Variants in RHOF observed in about 807,000 individuals in gnomAD.
The protein encoded by RHOF is rho-related GTP-binding protein RhoF.
Under a neutral mutation model 22.2 loss-of-function variants are expected in RHOF, and 21 were observed. The observed-to-expected ratio is 0.95, with a 90% CI of 0.67 to 1.36. The LOEUF (loss-of-function observed/expected upper bound fraction) is 1.36. Among genes scored for constraint, RHOF ranks in the 40% most tolerant of loss-of-function variants. RHOF has a pLI of 0.00. For synonymous variants in RHOF, 135 were observed against 131.2 expected, an observed-to-expected ratio of 1.03 and a Z score of -0.20; for missense variants, 285 against 293.7, an observed-to-expected ratio of 0.97 and a Z score of 0.22.
intron 2 of RHOF, among the ~76,000 whole-genome samples, chr12:121,785,418 TTTA>T (rs1874581057): frequency 1.0e-5 from 1 of 98,090 alleles, no homozygotes; most frequent in Non-Finnish European, 2.1e-5. Context: ...TCTTTTTTTC[TTTA>T]CTTTTTTTTT....
intron 2 of RHOF, among the ~76,000 whole-genome samples, chr12:121,784,038 C>T: frequency 6.6e-6 from 1 of 152,176 alleles, no homozygotes; most frequent in East Asian, 1.9e-4. Flanking sequence ...GCTCTCATGT[C>T]CCAGCCTTTG....
chr12:121,790,034 G>A lies in RHOF; in HGVS notation c.226+3118C>T, dbSNP rs745326039. Among the ~76,000 whole-genome samples the A allele has an allele frequency of 3.3e-5, 5 of 152,338 alleles. No homozygotes were observed. In the East Asian group the frequency reaches 7.7e-4, roughly 24 times the overall value. On this transcript the variant is annotated intron_variant, in intron 2 of 4. Transcript: ENST00000267205. ...AGGATGTCAGGGCCCCGGTGAGGCC[G>A]ACAGAGCAGTGAGTGCCATGGCCCC...
chr12:121,793,426 A>G (rs1353036756), intron 1 of RHOF, 70 bp downstream of exon 1: 13 of 1,520,382 alleles, frequency 8.6e-6, no homozygotes, highest in Non-Finnish European at 1.1e-5. Context: ...CTGGGGACTG[A>G]GGGTCGGGGC....
intron 2 of RHOF, among the ~76,000 whole-genome samples, chr12:121,783,483 G>A (rs1230759000): frequency 6.6e-6 from 1 of 151,836 alleles, no homozygotes; most frequent in East Asian, 1.9e-4. Flanking sequence ...CACCATGCCT[G>A]GCTAATTTTT....
chr12:121,780,971 G>T lies in RHOF; in HGVS notation c.372C>A (p.Ile124=), dbSNP rs1253509813. The stretch of plus-strand genomic sequence containing the variant: ...TCTTGCAGCCGATGAGCACCATGGG[G>T]ATCCCGCGGCAGAAATGCGTGACCT... The part of the protein sequence containing the change: ...FPEVTHFCRG[I]PMVLIGCKTD... The change falls in exon 4 of 5, where the codon ATC becomes ATA. Residue 124 remains isoleucine, a synonymous_variant. Coordinates refer to ENST00000267205, the MANE Select transcript of RHOF (RefSeq NM_019034.3). The T allele has an allele frequency of 1.2e-6, 2 of 1,614,062 alleles. No homozygotes were observed. Among genetic ancestry groups the T allele is most frequent in the East Asian group, 4.5e-5 (2 of 44,882 alleles).
intron 4 of RHOF, chr12:121,780,430 T>C (rs1007583222): frequency 9.2e-5 from 23 of 251,320 alleles, no homozygotes; most frequent in African/African-American, 4.7e-4. Flanking sequence ...ATTCTGTTTA[T>C]TCCCCCATGC....
At chr12:121,791,379 C>T (rs1026492577) in intron 2 of RHOF, among the ~76,000 whole-genome samples, 1 of 152,106 alleles carries the variant, frequency 6.6e-6, no homozygotes, top group Non-Finnish European at 1.5e-5. Flanking sequence ...TCCTCATGAC[C>T]CTCTTAGTGC....
At chr12:121,792,976 T>C (rs1017847492) in intron 2 of RHOF, among the ~76,000 whole-genome samples, 176 bp downstream of exon 2, 3 of 152,202 alleles carry the variant, frequency 2.0e-5, no homozygotes, top group African/African-American at 7.2e-5. Context: ...CACTTACGTA[T>C]AGGGCTTGGC....
intron 2 of RHOF, among the ~76,000 whole-genome samples, chr12:121,791,367 A>T (rs547188090): frequency 4.6e-5 from 7 of 152,294 alleles, no homozygotes; most frequent in African/African-American, 1.7e-4. Context: ...AATCTGATTT[A>T]ATCCTCATGA....
intron 2 of RHOF, among the ~76,000 whole-genome samples, chr12:121,783,615 T>C (rs1874532725): frequency 6.6e-6 from 1 of 152,176 alleles, no homozygotes; most frequent in Non-Finnish European, 1.5e-5. Context: ...CCCGAGTAGC[T>C]AGGATTACAG....
At chr12:121,787,909 A>AGGGGGGG (rs60048337) in intron 2 of RHOF, among the ~76,000 whole-genome samples, 20 of 48,838 alleles carry the variant, frequency 4.1e-4, no homozygotes, top group Non-Finnish European at 5.1e-4. Flanking sequence ...AAAAAAAAAA[A>AGGGGGGG]GGGGGGGGGG....
At position 121,778,077 on chromosome 12, in the gene RHOF, G is replaced by A. The variant is rs917616626; in HGVS notation, c.*1421C>T. ...GCCTGAAGCCATTATCCCATCTTAG[G>A]CGACACCGACTCCTAGGCGCCCTCC... On this transcript the variant is annotated 3_prime_UTR_variant, in exon 5 of 5. Transcript: ENST00000267205. The A allele has an allele frequency of 1.3e-4, 20 of 152,096 alleles. No individual in the cohort carries two copies. Among genetic ancestry groups the A allele is most frequent in the African/African-American group, 2.9e-4 (12 of 41,404 alleles). The allele number at this position is 152,096 out of a possible 1,614,324, so 9.4% of individuals were successfully genotyped here.
At chr12:121,780,831 C>T in intron 4 of RHOF, 41 bp downstream of exon 4, 1 of 1,591,142 alleles carries the variant, frequency 6.3e-7, no homozygotes. Context: ...CGGGAGGCTT[C>T]ACAGCCACGG....
intron 2 of RHOF, among the ~76,000 whole-genome samples, chr12:121,783,561 C>T (rs183246929): frequency 1.3e-5 from 2 of 152,226 alleles, no homozygotes; most frequent in Admixed American, 6.5e-5. Flanking sequence ...CGGCTCACTG[C>T]AACCTACACC....
intron 4 of RHOF, chr12:121,780,493 C>G (rs537222416): frequency 2.1e-4 from 76 of 369,174 alleles, no homozygotes; most frequent in African/African-American, 1.5e-3. Flanking sequence ...CGCCTACTTT[C>G]AAACAAGGCA....
intron 2 of RHOF, among the ~76,000 whole-genome samples, chr12:121,789,282 C>T (rs894888281): frequency 5.3e-5 from 8 of 152,018 alleles, no homozygotes; most frequent in Non-Finnish European, 5.9e-5. Context: ...AAAGGATGCA[C>T]GTGCTTCTGG....
intron 4 of RHOF, 53 bp downstream of exon 4, chr12:121,780,819 T>C: frequency 6.3e-7 from 1 of 1,581,008 alleles, no homozygotes; most frequent in East Asian, 2.2e-5. Context: ...AGGCCAAAGG[T>C]CCGGGAGGCT....
intron 2 of RHOF, among the ~76,000 whole-genome samples, chr12:121,788,609 T>G (rs560938704): frequency 1.3e-5 from 2 of 152,338 alleles, no homozygotes; most frequent in South Asian, 4.1e-4. Context: ...CATTCACTCA[T>G]GCACATTCTG....
intron 2 of RHOF, among the ~76,000 whole-genome samples, chr12:121,783,796 T>A (rs554463280): frequency 6.6e-6 from 1 of 152,158 alleles, no homozygotes; most frequent in South Asian, 2.1e-4. Context: ...AGAGATGGGG[T>A]TTTTGCCATC....
Sources: allele counts gnomAD v4.1 joint callset (sites outside exome capture counted in the v4.1 genomes callset), GRCh38; gene constraint gnomAD v4.1.1; transcripts MANE v1.5; gene names NCBI Gene and HGNC (gene_info 2026-07-23, HGNC 2026-07-21).